SUPT3H: variants seen among roughly 807,000 people sequenced by gnomAD.
The protein encoded by SUPT3H is SPT3 homolog, SAGA and STAGA complex component, also known as transcription initiation protein SPT3 homolog.
SUPT3H carries 44 observed loss-of-function variants against 44.3 expected under a neutral mutation model. The observed-to-expected ratio is 0.99, with a 90% CI of 0.78 to 1.28. SUPT3H has a LOEUF of 1.28. SUPT3H is among the 50% of genes most tolerant of loss of function. The probability of loss-of-function intolerance (pLI) is 0.00; values close to 1 mark genes in which losing one functional copy is unlikely to be tolerated. For synonymous variants in SUPT3H, 124 were observed against 125.6 expected (o/e 0.99, Z 0.09); for missense variants, 380 against 387.1 (o/e 0.98, Z 0.15).
intron 6 of SUPT3H, among the ~76,000 whole-genome samples, chr6:44,976,770 A>G (rs1778399803): frequency 6.6e-6 from 1 of 152,230 alleles, no homozygotes; most frequent in African/African-American, 2.4e-5. Context: ...TTTGAATTAT[A>G]AAGTCTTGCA....
At chr6:44,948,475 T>A (rs930880629) in intron 9 of SUPT3H, among the ~76,000 whole-genome samples, 11 of 152,008 alleles carry the variant, frequency 7.2e-5, no homozygotes, top group African/African-American at 2.4e-4. Context: ...GGGAGAAAAT[T>A]TTTACAATCT....
At chr6:45,137,467 AC>A (rs1804484775) in intron 2 of SUPT3H, among the ~76,000 whole-genome samples, 1 of 152,052 alleles carries the variant, frequency 6.6e-6, no homozygotes, top group South Asian at 2.1e-4. Context: ...GTTTAAATAT[AC>A]CATATGTCTA....
intron 2 of SUPT3H, among the ~76,000 whole-genome samples, chr6:45,241,985 T>C (rs1186734503): frequency 6.6e-6 from 1 of 152,196 alleles, no homozygotes; most frequent in Non-Finnish European, 1.5e-5. Flanking sequence ...CAATAAAACA[T>C]GATTAATAAG....
intron 2 of SUPT3H, among the ~76,000 whole-genome samples, chr6:45,233,876 A>G (rs568848180): frequency 1.3e-5 from 2 of 152,336 alleles, no homozygotes; most frequent in African/African-American, 4.8e-5. Flanking sequence ...CTTTTAGAAC[A>G]GTATGACTAA....
chr6:45,086,838 A>G (rs895867954), intron 3 of SUPT3H, among the ~76,000 whole-genome samples: 11 of 151,978 alleles, frequency 7.2e-5, no homozygotes, highest in African/African-American at 2.2e-4. Flanking sequence ...ATTAATAAAT[A>G]AAATTTAATA....
intron 2 of SUPT3H, among the ~76,000 whole-genome samples, chr6:45,257,621 T>C (rs1471801747): frequency 6.6e-6 from 1 of 152,172 alleles, no homozygotes; most frequent in Non-Finnish European, 1.5e-5. Context: ...AAATTTATTG[T>C]CTCACAGTTC....
intron 2 of SUPT3H, among the ~76,000 whole-genome samples, chr6:45,208,327 CCATAA>C (rs1763525740): frequency 6.6e-6 from 1 of 152,118 alleles, no homozygotes; most frequent in African/African-American, 2.4e-5. Flanking sequence ...TAAGCCATCT[CCATAA>C]CATAAAAGTG....
At chr6:44,996,753 C>T (rs986714234) in intron 6 of SUPT3H, among the ~76,000 whole-genome samples, 6 of 151,854 alleles carry the variant, frequency 4.0e-5, no homozygotes, top group Admixed American at 2.6e-4. Flanking sequence ...AAAGTCCTTC[C>T]ATATTACCTG....
chr6:45,168,131 A>G (rs930699792), intron 2 of SUPT3H, among the ~76,000 whole-genome samples: 1 of 151,798 alleles, frequency 6.6e-6, no homozygotes, highest in African/African-American at 2.4e-5. Flanking sequence ...CTTACATCAT[A>G]TGAAAGTGTA....
chr6:45,145,331 T>C (rs1378272510), intron 2 of SUPT3H, among the ~76,000 whole-genome samples: 1 of 152,044 alleles, frequency 6.6e-6, no homozygotes, highest in African/African-American at 2.4e-5. Flanking sequence ...CATAGAGCAA[T>C]AGAACAGAAC....
chr6:45,154,750 T>C (rs1190395733), intron 2 of SUPT3H, among the ~76,000 whole-genome samples: 1 of 152,164 alleles, frequency 6.6e-6, no homozygotes, highest in East Asian at 1.9e-4. Flanking sequence ...TGAGGAAGAA[T>C]ATGTAGCATC....
intron 2 of SUPT3H, chr6:45,322,995 A>G (rs1162562884): frequency 1.4e-6 from 2 of 1,439,418 alleles, no homozygotes; most frequent in African/African-American, 2.8e-5. Flanking sequence ...TCAAACAATT[A>G]AGCAAATCAT....
At chr6:45,168,812 C>A (rs1810330447) in intron 2 of SUPT3H, among the ~76,000 whole-genome samples, 1 of 152,096 alleles carries the variant, frequency 6.6e-6, no homozygotes, top group African/African-American at 2.4e-5. Flanking sequence ...GCTACCAGAG[C>A]TAAGAGCAAA....
intron 9 of SUPT3H, among the ~76,000 whole-genome samples, chr6:44,945,122 A>T (rs1042514081): frequency 6.6e-6 from 1 of 151,816 alleles, no homozygotes; most frequent in South Asian, 2.1e-4. Context: ...GTGATCTGTG[A>T]TCTTTAGTGT....
intron 2 of SUPT3H, among the ~76,000 whole-genome samples, chr6:45,204,568 T>C (rs978468274): frequency 6.6e-6 from 1 of 152,212 alleles, no homozygotes; most frequent in Non-Finnish European, 1.5e-5. Context: ...TCTCCACCTC[T>C]GCATCAAACA....
At chr6:44,810,841 G>A (rs1464153510) in intron 11 of SUPT3H, among the ~76,000 whole-genome samples, 1 of 152,022 alleles carries the variant, frequency 6.6e-6, no homozygotes, top group Non-Finnish European at 1.5e-5. Flanking sequence ...GGGAGGCGGA[G>A]GCTGCAGTGA....
At chr6:45,357,893 GTATATA>G (rs200586327) in intron 2 of SUPT3H, among the ~76,000 whole-genome samples, 1 of 151,036 alleles carries the variant, frequency 6.6e-6, no homozygotes, top group Non-Finnish European at 1.5e-5. Context: ...AAGACTAAGA[GTATATA>G]TATATATAAA....
chr6:45,217,871 C>T (rs1439478037), intron 2 of SUPT3H, among the ~76,000 whole-genome samples: 1 of 151,090 alleles, frequency 6.6e-6, no homozygotes, highest in South Asian at 2.1e-4. Flanking sequence ...GCCTGAGTGA[C>T]AGAGCAAGAC....
At chr6:45,150,163 T>A (rs1806697698) in intron 2 of SUPT3H, among the ~76,000 whole-genome samples, 1 of 152,176 alleles carries the variant, frequency 6.6e-6, no homozygotes, top group South Asian at 2.1e-4. Context: ...TTCCAGGAGC[T>A]ACTCATAAAT....
Sources: allele counts gnomAD v4.1 joint callset (sites outside exome capture counted in the v4.1 genomes callset), GRCh38; gene constraint gnomAD v4.1.1; transcripts MANE v1.5; gene names NCBI Gene and HGNC (gene_info 2026-07-23, HGNC 2026-07-21).